The following MCPH1 variants were observed in gnomAD, a reference collection of about 807,000 sequenced individuals.
The protein encoded by MCPH1 is microcephalin 1, also known as microcephalin.
A neutral mutation model predicts 84.5 loss-of-function variants in MCPH1; 104 were observed. That is an observed-to-expected ratio of 1.23 (90% confidence interval 1.05 to 1.45). The LOEUF (loss-of-function observed/expected upper bound fraction) is 1.45, where lower values mean the gene tolerates loss of function less well. Ranked by LOEUF, MCPH1 falls within the 40% of genes most tolerant of loss-of-function variation. MCPH1 has a pLI of 0.00. For synonymous variants in MCPH1, 514 were observed against 366.8 expected (o/e 1.40, Z -4.58); for missense variants, 1,498 against 1,005.7 (o/e 1.49, Z -6.62).
chr8:6,504,843 G>A (rs1020165766), intron 12 of MCPH1, among the ~76,000 whole-genome samples: 1 of 152,072 alleles, frequency 6.6e-6, no homozygotes, highest in Admixed American at 6.5e-5. Context: ...TACACATAGG[G>A]TTTGATACTG....
chr8:6,506,271 A>G (rs1014671937), intron 12 of MCPH1, among the ~76,000 whole-genome samples: 1 of 151,990 alleles, frequency 6.6e-6, no homozygotes, highest in Non-Finnish European at 1.5e-5. Flanking sequence ...TCCATGCAAA[A>G]TGGAGCTGCT....
At chr8:6,443,535 C>T (rs988323542) in intron 7 of MCPH1, among the ~76,000 whole-genome samples, 55 of 152,238 alleles carry the variant, frequency 3.6e-4, no homozygotes, top group Admixed American at 2.6e-3. Flanking sequence ...CACAGGCCCT[C>T]CACCAGCAAG....
intron 13 of MCPH1, among the ~76,000 whole-genome samples, chr8:6,634,438 ACT>A (rs1797391463): frequency 2.0e-5 from 3 of 152,216 alleles, no homozygotes; most frequent in African/African-American, 7.2e-5. Flanking sequence ...AAAGATGCTG[ACT>A]ACAGCTGACG....
chr8:6,532,418 G>T (rs754417127), intron 12 of MCPH1: 4 of 1,613,886 alleles, frequency 2.5e-6, no homozygotes, highest in Non-Finnish European at 3.4e-6. Context: ...ACAGCCGTCT[G>T]GTTCTGTACT....
chr8:6,534,939 C>T (rs895177142), intron 12 of MCPH1, among the ~76,000 whole-genome samples: 1 of 152,158 alleles, frequency 6.6e-6, no homozygotes, highest in Non-Finnish European at 1.5e-5. Flanking sequence ...TTTGAGGTTG[C>T]AGTTAAAGCT....
intron 11 of MCPH1, among the ~76,000 whole-genome samples, chr8:6,487,626 C>G (rs1211087311): frequency 6.6e-6 from 1 of 152,212 alleles, no homozygotes; most frequent in Non-Finnish European, 1.5e-5. Context: ...CTTGGTGTGT[C>G]ACACTGACAC....
At chr8:6,459,064 A>T (rs909031858) in intron 9 of MCPH1, among the ~76,000 whole-genome samples, 5 of 152,252 alleles carry the variant, frequency 3.3e-5, no homozygotes, top group African/African-American at 1.2e-4. Context: ...ACTAAAATTT[A>T]GTTTCCTGGT....
intron 12 of MCPH1, among the ~76,000 whole-genome samples, chr8:6,593,080 G>GTT (rs1563164687): frequency 1.0e-5 from 1 of 95,964 alleles, no homozygotes; most frequent in African/African-American, 4.0e-5. Flanking sequence ...TTTAGGGTGT[G>GTT]GTTTTTTTTT....
intron 8 of MCPH1, among the ~76,000 whole-genome samples, chr8:6,453,712 AT>A (rs1218456342): frequency 6.6e-6 from 1 of 152,210 alleles, no homozygotes; most frequent in Non-Finnish European, 1.5e-5. Flanking sequence ...AATTCTAATT[AT>A]TTTTAATCTT....
intron 12 of MCPH1, among the ~76,000 whole-genome samples, chr8:6,586,483 C>T (rs1042133081): frequency 2.0e-5 from 3 of 152,226 alleles, no homozygotes; most frequent in East Asian, 1.9e-4. Context: ...AGCCTCTGTA[C>T]AGCCTCCATG....
chr8:6,627,313 G>T (rs1466417219), intron 13 of MCPH1: 3 of 984,554 alleles, frequency 3.0e-6, no homozygotes, highest in Non-Finnish European at 3.6e-6. Flanking sequence ...TGCAGAAGCT[G>T]TGGAGAGTGG....
intron 8 of MCPH1, among the ~76,000 whole-genome samples, chr8:6,447,938 A>G (rs1804641100): frequency 6.6e-6 from 1 of 152,156 alleles, no homozygotes; most frequent in Admixed American, 6.5e-5. Flanking sequence ...GTACACAGAT[A>G]CATTCCCATT....
At chr8:6,617,310 C>T (rs1459437694) in intron 12 of MCPH1, 5 of 133,846 alleles carry the variant, frequency 3.7e-5, no homozygotes, top group Admixed American at 8.1e-5. Flanking sequence ...GGTGGAATCT[C>T]GTTCTGTCGC....
At chr8:6,562,910 G>T (rs1207382999) in intron 12 of MCPH1, 1 of 1,595,206 alleles carries the variant, frequency 6.3e-7, no homozygotes, top group East Asian at 2.3e-5. Context: ...TCACAGCTCA[G>T]AGTAAAGAAA....
chr8:6,536,583 C>A (rs142042260), intron 12 of MCPH1, among the ~76,000 whole-genome samples: 1 of 152,112 alleles, frequency 6.6e-6, no homozygotes, highest in Admixed American at 6.5e-5. Flanking sequence ...AGCATCCTGA[C>A]AAAAGAATCT....
At position 6,411,122 on chromosome 8, in the gene MCPH1, C is replaced by T. The variant is rs151239523; in HGVS notation, c.114+1752C>T. 5.6e-3 allele frequency among the ~76,000 whole-genome samples: 857 copies of T among 152,062 alleles called. 6 individuals carry two copies. The highest frequency in any genetic ancestry group is 0.02 in the African/African-American group (831 of 41,480). On this transcript the variant is annotated intron_variant, in intron 2 of 13. Coordinates refer to ENST00000344683, the MANE Select transcript of MCPH1 (RefSeq NM_024596.5). The stretch of plus-strand genomic sequence containing the variant: ...CAAAAAAATAGGCACTAGTAGGATC[C>T]GATGGTGAAGATTTTGGCCTGATGT...
At chr8:6,625,658 G>T (rs886182517) in intron 13 of MCPH1, 1 of 985,168 alleles carries the variant, frequency 1.0e-6, no homozygotes, top group Non-Finnish European at 1.2e-6. Context: ...TGAGCCGGGC[G>T]TGGTGGCCCA....
At chr8:6,408,769 C>T (rs1412997602) in intron 1 of MCPH1, among the ~76,000 whole-genome samples, 1 of 152,172 alleles carries the variant, frequency 6.6e-6, no homozygotes, top group African/African-American at 2.4e-5. Flanking sequence ...CACTATGTTG[C>T]CCAGGCTGGT....
At chr8:6,420,790 T>C (rs756025919) in intron 3 of MCPH1, among the ~76,000 whole-genome samples, 3 of 152,188 alleles carry the variant, frequency 2.0e-5, no homozygotes, top group Non-Finnish European at 4.4e-5. Flanking sequence ...GTGGAAGGTA[T>C]CCAAGTTACC....
Sources: allele counts gnomAD v4.1 joint callset (sites outside exome capture counted in the v4.1 genomes callset), GRCh38; gene constraint gnomAD v4.1.1; transcripts MANE v1.5; gene names NCBI Gene and HGNC (gene_info 2026-07-23, HGNC 2026-07-21).